ZFP92: variants seen among roughly 807,000 people sequenced by gnomAD.
ZFP92 encodes the protein zinc finger protein 92 homolog.
In ZFP92, 2 loss-of-function variants were observed where a neutral mutation model predicts 7.6. The ratio of observed to expected loss-of-function variants is 0.26; its 90% confidence interval spans 0.11 to 0.83. The LOEUF (loss-of-function observed/expected upper bound fraction) is 0.83. Among genes scored for constraint, ZFP92 ranks in the 40% least tolerant of loss-of-function variants. The pLI is 0.65. For synonymous variants in ZFP92, 226 were observed against 183.6 expected, an observed-to-expected ratio of 1.23 and a Z score of -1.87; for missense variants, 324 against 408.3, an observed-to-expected ratio of 0.79 and a Z score of 1.78.
chrX:153,421,579 C>A lies in ZFP92; in HGVS notation c.1202C>A (p.Pro401His), dbSNP rs782669302. 1 of 1,048,590 alleles carries A rather than the reference C, an allele frequency of 9.5e-7. No homozygotes were observed. Among genetic ancestry groups the A allele is most frequent in the South Asian group, 2.5e-5 (1 of 39,613 alleles). 86.4% of individuals were successfully genotyped at this position (1,048,590 alleles called of 1,213,427 possible). A position where few individuals can be genotyped will look rare whatever the true frequency, so the allele number is the denominator to read the frequency against. Residue 401 changes from proline (P) to histidine (H), a missense_variant, in exon 6 of 6, where the codon CCC (proline) becomes CAC (histidine). By Grantham distance (77) the Pro-to-His change is moderately conservative (BLOSUM62 -2). Coordinates refer to ENST00000338647, the MANE Select transcript of ZFP92 (RefSeq NM_001136273.2). Reference sequence around the variant, plus strand: ...GGGAGCGCGGTGGCGGCCACCAGCCCCCCGCGGCCGAGCACAGCCGCCAGG... The same window carrying A: ...GGGAGCGCGGTGGCGGCCACCAGCCACCCGCGGCCGAGCACAGCCGCCAGG... Reference protein sequence around the residue: ...GPGSAVAATSPPRPSTAARPS... With the variant: ...GPGSAVAATSHPRPSTAARPS...
rs918906899 is a variant in ZFP92 at position 153,426,356 on chromosome X, T to A, written c.*4728T>A. ...TGCATATCAGTACTCCATTTTTTTT[T>A]ATTGTTGGTAGGATCCCATTGTATG... On this transcript the variant is annotated 3_prime_UTR_variant, in exon 6 of 6. Coordinates refer to ENST00000338647, the MANE Select transcript of ZFP92 (RefSeq NM_001136273.2). The A allele has an allele frequency of 1.8e-5, 2 of 111,659 alleles. No individual in the cohort carries two copies. Among genetic ancestry groups the A allele is most frequent in the African/African-American group, 6.5e-5 (2 of 30,654 alleles). 9.2% of individuals were successfully genotyped at this position (111,659 alleles called of 1,213,427 possible).
rs1215039231 is a variant in ZFP92 at position 153,425,747 on chromosome X, T to A, written c.*4119T>A. Reference sequence around the variant, plus strand: ...TCCCACTTGCCATGGGACTCGCAGCTGGTTCCATCCGATGCCAGCCCCAGT... The same window carrying A: ...TCCCACTTGCCATGGGACTCGCAGCAGGTTCCATCCGATGCCAGCCCCAGT... On this transcript the variant is annotated 3_prime_UTR_variant, in exon 6 of 6. Coordinates refer to ENST00000338647, the MANE Select transcript of ZFP92 (RefSeq NM_001136273.2). 9.0e-6 allele frequency: 1 copy of A among 111,602 alleles called. No individual in the cohort carries two copies. Among genetic ancestry groups the A allele is most frequent in the Non-Finnish European group, 1.9e-5 (1 of 53,041 alleles). The allele number at this position is 111,602 out of a possible 1,213,427, so 9.2% of individuals were successfully genotyped here.
rs782435067 is a variant in ZFP92, at chrX:153,418,285, G to A, written c.-18-20G>A. 4.5e-5 allele frequency: 53 copies of A among 1,165,296 alleles called. No individual in the cohort carries two copies. In the Admixed American group the frequency reaches 6.2e-4, roughly 14 times the overall value. Reference sequence around the variant, plus strand: ...CCAGGCTGCCCTGGGCTCACAGGGGGCTCTTTGCATTTCCCTTAGCTCCTC... The same window carrying A: ...CCAGGCTGCCCTGGGCTCACAGGGGACTCTTTGCATTTCCCTTAGCTCCTC... On this transcript the variant is annotated intron_variant, in intron 2 of 5. Coordinates refer to ENST00000338647, the MANE Select transcript of ZFP92 (RefSeq NM_001136273.2).
intron 2 of ZFP92, among the ~76,000 whole-genome samples, chrX:153,416,171 T>C (rs1332139799): frequency 1.8e-5 from 2 of 111,430 alleles, no homozygotes; most frequent in Non-Finnish European, 3.8e-5. Flanking sequence ...CTCTGGACAC[T>C]GGACATTGAG....
In ZFP92 at chrX:153,426,190, C is replaced by T. The variant is rs2089041895; in HGVS notation, c.*4562C>T. On this transcript the variant is annotated 3_prime_UTR_variant, in exon 6 of 6. Coordinates refer to ENST00000338647, the MANE Select transcript of ZFP92 (RefSeq NM_001136273.2). ...ACCCCTCTTTCCTGCTCCTCACTGT[C>T]CCCCATCCCCACCGCCACTGCTTGG... 1 of 110,216 alleles carries T rather than the reference C, an allele frequency of 9.1e-6. No homozygotes were observed. Among genetic ancestry groups the T allele is most frequent in the East Asian group, 2.9e-4 (1 of 3,487 alleles). 9.1% of individuals were successfully genotyped at this position (110,216 alleles called of 1,213,427 possible).
chrX:153,416,567 C>A (rs1478534820), intron 2 of ZFP92, among the ~76,000 whole-genome samples: 1 of 111,448 alleles, frequency 9.0e-6, no homozygotes, highest in Admixed American at 9.5e-5. Flanking sequence ...TTGGCACAAA[C>A]AAACTGTAGT....
rs1239629169 is a variant in ZFP92 at position 153,424,186 on chromosome X, G to T, written c.*2558G>T. 3 of 112,038 alleles carry T rather than the reference G, an allele frequency of 2.7e-5. No individual in the cohort carries two copies. The highest frequency in any genetic ancestry group is 9.7e-5 in the African/African-American group (3 of 30,777). 9.2% of individuals were successfully genotyped at this position (112,038 alleles called of 1,213,427 possible). A position where few individuals can be genotyped will look rare whatever the true frequency, so the allele number is the denominator to read the frequency against. On this transcript the variant is annotated 3_prime_UTR_variant, in exon 6 of 6. Coordinates refer to ENST00000338647, the MANE Select transcript of ZFP92 (RefSeq NM_001136273.2). The stretch of plus-strand genomic sequence containing the variant: ...GTACAGGAGTTTTCAGCAGAAAGTG[G>T]AGTTGCCAGGAGAGATGCTGGGCAC...
Position 153,414,718 on chromosome X carries a change from C to G in ZFP92, c.-19+2705C>G, listed in dbSNP as rs1382259827. 4.5e-5 allele frequency among the ~76,000 whole-genome samples: 5 copies of G among 112,039 alleles called. No individual in the cohort carries two copies. The Admixed American group carries it at 4.7e-4, about 11-fold the overall frequency. Reference sequence around the variant, plus strand: ...ATTCACCATGTTGTGCAGTCACCACCTCTACCTGGCTCCAGAACATTCTCA... The same window carrying G: ...ATTCACCATGTTGTGCAGTCACCACGTCTACCTGGCTCCAGAACATTCTCA... On this transcript the variant is annotated intron_variant, in intron 2 of 5. Transcript: ENST00000338647.
chrX:153,412,549 T>G (rs1429065892), intron 2 of ZFP92, among the ~76,000 whole-genome samples: 1 of 112,295 alleles, frequency 8.9e-6, no homozygotes, highest in African/African-American at 3.2e-5. Flanking sequence ...TTTAGGTGGT[T>G]AGAATAACTT....
At chrX:153,418,500 G>A (rs1481939301) in intron 3 of ZFP92, 145 bp downstream of exon 3, 4 of 969,233 alleles carry the variant, frequency 4.1e-6, no homozygotes, top group Non-Finnish European at 5.6e-6. Context: ...TGGGCTTCCT[G>A]CCTCTGTCGG....
chrX:153,418,421 C>A (rs1305137742), intron 3 of ZFP92, 66 bp downstream of exon 3: 12 of 1,129,901 alleles, frequency 1.1e-5, no homozygotes, highest in Non-Finnish European at 1.4e-5. Flanking sequence ...TCCTCATGCC[C>A]AGGCCTCTCC....
intron 2 of ZFP92, among the ~76,000 whole-genome samples, chrX:153,416,571 C>G (rs1041224594): frequency 9.0e-6 from 1 of 111,518 alleles, no homozygotes; most frequent in African/African-American, 3.3e-5. Context: ...CACAAACAAA[C>G]TGTAGTCACC....
In ZFP92 at chrX:153,411,534, G is replaced by A. The variant is rs1556972935; in HGVS notation, c.-237G>A. ...GACTCCCCTTCAGGACGCTCTTCGC[G>A]AGCGGTACCCAGAGGCGAAGTCGAG... On this transcript the variant is annotated 5_prime_UTR_variant, in exon 1 of 6. Coordinates refer to ENST00000338647, the MANE Select transcript of ZFP92 (RefSeq NM_001136273.2). Among the ~76,000 whole-genome samples, 1 of 112,688 alleles carries A rather than the reference G, an allele frequency of 8.9e-6. No individual in the cohort carries two copies. The highest frequency in any genetic ancestry group is 3.2e-5 in the African/African-American group (1 of 31,077).
chrX:153,418,673 G>A lies in ZFP92; in HGVS notation c.34G>A (p.Val12Met). The A allele has an allele frequency of 8.6e-7, 1 of 1,167,720 alleles. No individual in the cohort carries two copies. Among genetic ancestry groups the A allele is most frequent in the Non-Finnish European group, 1.1e-6 (1 of 873,054 alleles). Residue 12 changes from valine (V) to methionine (M), a missense_variant and splice_region_variant, in exon 4 of 6, where the codon GTG becomes ATG. Transcript: ENST00000338647. ...AAILLTTRPK[V>M]PVSFEDVSVY... The stretch of plus-strand genomic sequence containing the variant: ...TGGCCACAAGAATGCCTTATTTTAG[G>A]TGCCAGTATCTTTTGAGGATGTGTC...
chrX:153,419,844 C>T (rs960305839), intron 4 of ZFP92, among the ~76,000 whole-genome samples: 1 of 112,196 alleles, frequency 8.9e-6, no homozygotes, highest in Non-Finnish European at 1.9e-5. Context: ...TGAAACAGGG[C>T]AATTCAGCTT....
In ZFP92 at chrX:153,423,702, G is replaced by C. The variant is rs1419171537; in HGVS notation, c.*2074G>C. The C allele has an allele frequency of 8.8e-6, 1 of 113,643 alleles. No homozygotes were observed. Among genetic ancestry groups the C allele is most frequent in the Admixed American group, 9.2e-5 (1 of 10,857 alleles). 9.4% of individuals were successfully genotyped at this position (113,643 alleles called of 1,213,427 possible). ...CCATTGTCGGCTCCAGCCTTGCCTT[G>C]AGGCAATCCGAAGCATCTACGACTT... On this transcript the variant is annotated 3_prime_UTR_variant, in exon 6 of 6. Transcript: ENST00000338647.
At position 153,415,686 on chromosome X, in the gene ZFP92, G is replaced by GT. The variant is rs200624871; in HGVS notation, c.-18-2610dup. Among the ~76,000 whole-genome samples the GT allele has an allele frequency of 3.2e-4, 35 of 110,693 alleles. 1 individual carries two copies. In the South Asian group the frequency reaches 5.7e-3, roughly 18 times the overall value. ...ACAAGCCACCAGTCTGTTTTCCATA[G>GT]TTTTTTTTTCTTTTTAATCACCATC... On this transcript the variant is annotated intron_variant, in intron 2 of 5. Transcript: ENST00000338647.
chrX:153,413,573 C>G (rs782642405), intron 2 of ZFP92, among the ~76,000 whole-genome samples: 1 of 109,994 alleles, frequency 9.1e-6, no homozygotes, highest in South Asian at 4.0e-4. Context: ...TGGATTCTCA[C>G]CTGTGTGCCC....
Position 153,420,720 on chromosome X carries a change from G to A in ZFP92, c.343G>A (p.Gly115Ser). ...ACAACTCCCCGGGGCCGATCCACAA[G>A]GTGGCAAGGAGGGGCAGGCGGCGAG... ...GRQLPGADPQGGKEGQAARSS... is the reference protein window; with the variant it reads ...GRQLPGADPQSGKEGQAARSS... The change falls in exon 6 of 6, where the codon GGT becomes AGT. Residue 115 changes from glycine to serine, a missense_variant. Gly to Ser is a moderately conservative substitution (Grantham distance 56). Transcript: ENST00000338647. 1 of 1,153,860 alleles carries A rather than the reference G, an allele frequency of 8.7e-7. No homozygotes were observed. The highest frequency in any genetic ancestry group is 1.9e-5 in the South Asian group (1 of 51,374).
Sources: gnomAD v4.1 joint callset for allele counts (sites outside exome capture counted in the v4.1 genomes callset) on GRCh38, gnomAD v4.1.1 for gene constraint, MANE v1.5 for transcripts, NCBI Gene and HGNC (gene_info 2026-07-23, HGNC 2026-07-21) for gene names.